Variants in DENND1B observed in about 807,000 individuals in gnomAD.
DENND1B encodes the protein DENN domain-containing protein 1B.
In DENND1B, 59 loss-of-function variants were observed where a neutral mutation model predicts 90.1. The ratio of observed to expected loss-of-function variants is 0.65; its 90% CI spans 0.53 to 0.81. The LOEUF (loss-of-function observed/expected upper bound fraction) is 0.81. Ranked by LOEUF, DENND1B falls within the 40% of genes least tolerant of loss-of-function variation. DENND1B has a pLI of 0.00. For missense variants in DENND1B, 862 were observed against 912.6 expected (o/e 0.94, Z 0.71); for synonymous variants, 337 against 324.6 (o/e 1.04, Z -0.41).
chr1:197,662,651 T>C (rs1654531775), intron 5 of DENND1B, among the ~76,000 whole-genome samples: 1 of 152,064 alleles, frequency 6.6e-6, no homozygotes, highest in Non-Finnish European at 1.5e-5. Context: ...ATGTGCCATG[T>C]TGGTGTGCTG....
chr1:197,704,755 C>T (rs1659360929), intron 3 of DENND1B, among the ~76,000 whole-genome samples: 1 of 151,368 alleles, frequency 6.6e-6, no homozygotes, highest in Non-Finnish European at 1.5e-5. Context: ...CTTTTAAATT[C>T]TAAAGATACC....
chr1:197,559,280 G>A (rs1426699849), intron 15 of DENND1B, among the ~76,000 whole-genome samples: 2 of 151,924 alleles, frequency 1.3e-5, no homozygotes, highest in South Asian at 2.1e-4. Context: ...CATTTTAAAA[G>A]AAATATTTGA....
intron 2 of DENND1B, among the ~76,000 whole-genome samples, chr1:197,745,445 G>A (rs1571589867): frequency 6.6e-6 from 1 of 152,064 alleles, no homozygotes; most frequent in Non-Finnish European, 1.5e-5. Context: ...TGAGCCCCAG[G>A]AGAGGGAGAG....
chr1:197,632,463 T>C (rs1015819961), intron 10 of DENND1B, among the ~76,000 whole-genome samples: 2 of 152,142 alleles, frequency 1.3e-5, no homozygotes, highest in Non-Finnish European at 2.9e-5. Context: ...AAGTAAACTC[T>C]GTAGTCTGCC....
chr1:197,640,940 C>T (rs753006868), intron 10 of DENND1B, among the ~76,000 whole-genome samples: 23 of 152,162 alleles, frequency 1.5e-4, no homozygotes, highest in Non-Finnish European at 2.9e-4. Flanking sequence ...GACCCTGTCT[C>T]AAAAAAACAA....
chr1:197,713,822 ATATT>A (rs1660269332), intron 3 of DENND1B, among the ~76,000 whole-genome samples: 2 of 65,098 alleles, frequency 3.1e-5, no homozygotes, highest in African/African-American at 1.2e-4. Context: ...TATATATAAT[ATATT>A]ATATATAATA....
chr1:197,704,576 A>G (rs1316040039), intron 3 of DENND1B, among the ~76,000 whole-genome samples: 1 of 152,130 alleles, frequency 6.6e-6, no homozygotes, highest in East Asian at 1.9e-4. Context: ...AAAAATATAT[A>G]ATCAAAGCTC....
At chr1:197,650,260 AT>A (rs1652981400) in intron 7 of DENND1B, among the ~76,000 whole-genome samples, 1 of 152,204 alleles carries the variant, frequency 6.6e-6, no homozygotes, top group Admixed American at 6.5e-5. Flanking sequence ...TAATTATTCA[AT>A]GTTTAAAACT....
intron 3 of DENND1B, among the ~76,000 whole-genome samples, chr1:197,676,099 C>T (rs1323970101): frequency 2.2e-5 from 1 of 45,338 alleles, no homozygotes; most frequent in African/African-American, 1.0e-4. Context: ...AAAAAAAAAT[C>T]CTCTCTCAGC....
intron 2 of DENND1B, among the ~76,000 whole-genome samples, chr1:197,760,636 T>A (rs1354264330): frequency 1.4e-5 from 2 of 145,060 alleles, no homozygotes; most frequent in Non-Finnish European, 3.0e-5. Context: ...AGTGAGACCT[T>A]GTCTCAAAAA....
rs568062502 is a variant in DENND1B, at chr1:197,690,452, C to T, written c.127-16283G>A. Reference sequence around the variant, plus strand: ...CCTAAATTCTTGAAATCTAGTGATGCTGCCATCGTTCAGATGGTTGCTGGA... The same window carrying T: ...CCTAAATTCTTGAAATCTAGTGATGTTGCCATCGTTCAGATGGTTGCTGGA... On this transcript the variant is annotated intron_variant, in intron 3 of 22. Coordinates refer to ENST00000620048, the MANE Select transcript of DENND1B (RefSeq NM_001195215.2). 5.9e-5 allele frequency: 10 copies of T among 169,762 alleles called. No individual in the cohort carries two copies. The South Asian group carries it at 1.4e-3, about 23-fold the overall frequency. The allele number at this position is 169,762 out of a possible 1,614,324, so 10.5% of individuals were successfully genotyped here. A position where few individuals can be genotyped will look rare whatever the true frequency, so the allele number is the denominator to read the frequency against.
chr1:197,591,446 A>G (rs1328524495), intron 14 of DENND1B, among the ~76,000 whole-genome samples: 1 of 152,234 alleles, frequency 6.6e-6, no homozygotes, highest in Non-Finnish European at 1.5e-5. Context: ...TTTACTTTAG[A>G]TGCTTTTCTG....
At chr1:197,738,529 A>G (rs1175702662) in intron 2 of DENND1B, among the ~76,000 whole-genome samples, 1 of 152,214 alleles carries the variant, frequency 6.6e-6, no homozygotes. Flanking sequence ...GAAACACAAC[A>G]TGGAAGATGC....
chr1:197,544,853 GAA>G (rs1670621203), intron 18 of DENND1B, among the ~76,000 whole-genome samples: 1 of 148,094 alleles, frequency 6.8e-6, no homozygotes, highest in African/African-American at 2.5e-5. Context: ...AGAAGAGGAA[GAA>G]GAGGAAGGAG....
At chr1:197,664,134 C>T (rs1013440292) in intron 5 of DENND1B, among the ~76,000 whole-genome samples, 2 of 151,694 alleles carry the variant, frequency 1.3e-5, no homozygotes, top group Admixed American at 6.6e-5. Context: ...AATTTTCAAA[C>T]GATACATGCT....
intron 20 of DENND1B, among the ~76,000 whole-genome samples, chr1:197,537,033 TC>T (rs1669962106): frequency 7.4e-6 from 1 of 134,440 alleles, no homozygotes; most frequent in African/African-American, 2.7e-5. Flanking sequence ...AGAGCAAGAC[TC>T]CGTCTCAGAG....
At chr1:197,707,896 C>A (rs1404254120) in intron 3 of DENND1B, among the ~76,000 whole-genome samples, 1 of 150,442 alleles carries the variant, frequency 6.6e-6, no homozygotes, top group Non-Finnish European at 1.5e-5. Flanking sequence ...CGAAGCAGGG[C>A]GAGGCATTGC....
intron 5 of DENND1B, among the ~76,000 whole-genome samples, chr1:197,666,994 C>T (rs922271623): frequency 4.6e-5 from 7 of 152,014 alleles, no homozygotes; most frequent in Admixed American, 1.3e-4. Flanking sequence ...ATTAGCTGGG[C>T]GTGGTGGCGC....
chr1:197,629,156 A>G (rs1246544788), intron 10 of DENND1B, among the ~76,000 whole-genome samples: 1 of 152,134 alleles, frequency 6.6e-6, no homozygotes, highest in African/African-American at 2.4e-5. Flanking sequence ...ATACCATTTG[A>G]CCCAGCCATC....
Sources: gnomAD v4.1 joint callset for allele counts (sites outside exome capture counted in the v4.1 genomes callset) on GRCh38, gnomAD v4.1.1 for gene constraint, MANE v1.5 for transcripts, NCBI Gene and HGNC (gene_info 2026-07-23, HGNC 2026-07-21) for gene names.